The following DRAM1 variants were observed in gnomAD, a reference collection of about 807,000 sequenced individuals.
DRAM1 encodes the protein DNA damage regulated autophagy modulator 1.
A neutral mutation model predicts 28.5 loss-of-function variants in DRAM1; 25 were observed. That is an observed-to-expected ratio of 0.88 (90% CI 0.64 to 1.23). DRAM1 has a LOEUF of 1.23. Among genes scored for constraint, DRAM1 ranks in the 50% most tolerant of loss-of-function variants. The pLI is 0.00. For missense variants in DRAM1, 249 were observed against 299.2 expected (o/e 0.83, Z 1.24); for synonymous variants, 113 against 114.2 (o/e 0.99, Z 0.07).
chr12:101,897,583 C>T (rs757500929), intron 1 of DRAM1, among the ~76,000 whole-genome samples: 2 of 151,538 alleles, frequency 1.3e-5, no homozygotes, highest in African/African-American at 2.4e-5. Context: ...GGAACACATA[C>T]CAAGGTTAGT....
At chr12:101,885,393 C>G (rs1872849136) in intron 1 of DRAM1, among the ~76,000 whole-genome samples, 2 of 152,150 alleles carry the variant, frequency 1.3e-5, no homozygotes, top group African/African-American at 4.8e-5. Flanking sequence ...CTACGAAACC[C>G]TGCCCCAGAA....
At chr12:101,898,725 G>T (rs1301872332) in intron 2 of DRAM1, among the ~76,000 whole-genome samples, 4 of 152,192 alleles carry the variant, frequency 2.6e-5, no homozygotes, top group African/African-American at 9.7e-5. Context: ...CACTCTAGGG[G>T]ACTTGGTTTC....
At position 101,877,756 on chromosome 12, in the gene DRAM1, G is replaced by C; in HGVS notation, c.-34G>C. 1 of 1,432,082 alleles carries C rather than the reference G, an allele frequency of 7.0e-7. No individual in the cohort carries two copies. The allele number at this position is 1,432,082 out of a possible 1,614,324, so 88.7% of individuals were successfully genotyped here. ...AGCAACCCGGCGCCCGGCCCCGCTG[G>C]GCGCAGCACTCCGTCGGCGGCGGCG... On this transcript the variant is annotated 5_prime_UTR_variant, in exon 1 of 7. Coordinates refer to ENST00000258534, the MANE Select transcript of DRAM1 (RefSeq NM_018370.3). This position sits in a 1 kb window ranked among gnomAD's most constrained non-coding sequence, Gnocchi z 4.1.
chr12:101,897,784 A>G, intron 1 of DRAM1, 79 bp from the exon 2 acceptor site: 1 of 997,324 alleles, frequency 1.0e-6, no homozygotes, highest in South Asian at 1.4e-5. Flanking sequence ...CAGAATATAA[A>G]ACTCGCCAAT....
intron 3 of DRAM1, among the ~76,000 whole-genome samples, chr12:101,903,952 CACACACACA>C (rs1873696287): frequency 6.8e-6 from 1 of 147,972 alleles, no homozygotes; most frequent in African/African-American, 2.6e-5. Context: ...CACACACACA[CACACACACA>C]CCCCTATAAG....
At chr12:101,883,912 T>C (rs1409544999) in intron 1 of DRAM1, among the ~76,000 whole-genome samples, 3 of 148,984 alleles carry the variant, frequency 2.0e-5, no homozygotes, top group Non-Finnish European at 3.0e-5. Flanking sequence ...TCCAGCCTGG[T>C]GATAGAGCGA....
intron 3 of DRAM1, among the ~76,000 whole-genome samples, chr12:101,906,854 C>CAAAA (rs751751554): frequency 4.7e-4 from 32 of 67,466 alleles, no homozygotes; most frequent in African/African-American, 1.2e-3. Flanking sequence ...GACTCTGCCT[C>CAAAA]AAAAAAAAAA....
chr12:101,920,706 G>A (rs1463472561), intron 6 of DRAM1, among the ~76,000 whole-genome samples: 2 of 152,178 alleles, frequency 1.3e-5, no homozygotes, highest in African/African-American at 4.8e-5. Flanking sequence ...GAGGTCAGGA[G>A]TTCGAGACCA....
intron 3 of DRAM1, among the ~76,000 whole-genome samples, chr12:101,905,319 T>C (rs996491671): frequency 3.9e-5 from 6 of 152,354 alleles, no homozygotes; most frequent in Admixed American, 1.3e-4. Flanking sequence ...TCTTGATCTG[T>C]TGCTCAGGCT....
intron 5 of DRAM1, 158 bp from the exon 6 acceptor site, chr12:101,919,951 A>C (rs1382467226): frequency 2.3e-6 from 1 of 428,866 alleles, no homozygotes; most frequent in Non-Finnish European, 4.1e-6. Context: ...GTGCCCTGAC[A>C]CTTAGTAACG....
In DRAM1 at chr12:101,901,444, G is replaced by A. The variant is rs1209005234; in HGVS notation, c.342+11G>A. 16 of 1,613,222 alleles carry A rather than the reference G, an allele frequency of 9.9e-6. No homozygotes were observed. Among genetic ancestry groups the A allele is most frequent in the Non-Finnish European group, 1.3e-5 (15 of 1,179,672 alleles). ...GTCGCCAATTTTCAGGTATAATCTG[G>A]AGCTTTTTCAGTTATGAGGAGTGGT... On this transcript the variant is annotated intron_variant, in intron 3 of 6. Coordinates refer to ENST00000258534, the MANE Select transcript of DRAM1 (RefSeq NM_018370.3).
chr12:101,905,761 A>ATTTT (rs1269675607), intron 3 of DRAM1, among the ~76,000 whole-genome samples: 2 of 148,416 alleles, frequency 1.3e-5, no homozygotes, highest in African/African-American at 5.1e-5. Flanking sequence ...ATCTGATTTT[A>ATTTT]TTTATTTATT....
chr12:101,895,186 G>GTTTTTTTTTTT (rs574722379), intron 1 of DRAM1, among the ~76,000 whole-genome samples: 12 of 75,732 alleles, frequency 1.6e-4, no homozygotes, highest in African/African-American at 1.7e-4. Flanking sequence ...AACCCTTCAG[G>GTTTTTTTTTTT]TTTTTTTTTT....
At chr12:101,901,875 A>AAG (rs1873617851) in intron 3 of DRAM1, among the ~76,000 whole-genome samples, 1 of 151,832 alleles carries the variant, frequency 6.6e-6, no homozygotes, top group Admixed American at 6.6e-5. Flanking sequence ...TCTCAAAAAA[A>AAG]AAAAAAAAAA....
chr12:101,907,325 G>A (rs1873858462), intron 3 of DRAM1, among the ~76,000 whole-genome samples: 1 of 151,858 alleles, frequency 6.6e-6, no homozygotes, highest in Non-Finnish European at 1.5e-5. Flanking sequence ...TCAGGGAGCA[G>A]GGAGCCTAAA....
At chr12:101,921,114 T>G in intron 6 of DRAM1, 102 bp from the exon 7 acceptor site, 41 of 861,240 alleles carry the variant, frequency 4.8e-5, no homozygotes, top group Non-Finnish European at 7.8e-5. Context: ...CAAACCATAG[T>G]GAGATCATTC....
chr12:101,913,314 T>C (rs1400928283), intron 4 of DRAM1, among the ~76,000 whole-genome samples: 1 of 152,130 alleles, frequency 6.6e-6, no homozygotes, highest in Non-Finnish European at 1.5e-5. Context: ...CAGAAGTCTG[T>C]TTTTTAAAGA....
At chr12:101,909,329 C>T (rs989794227) in intron 4 of DRAM1, among the ~76,000 whole-genome samples, 2 of 151,756 alleles carry the variant, frequency 1.3e-5, no homozygotes, top group Non-Finnish European at 2.9e-5. Context: ...AGTCTCTTTG[C>T]GGGGAAGAAT....
chr12:101,920,115 GTATAT>G lies in DRAM1; in HGVS notation c.587_591del (p.Val196AlafsTer8). On this transcript the variant is annotated frameshift_variant, in exon 6 of 7. Coordinates refer to ENST00000258534, the MANE Select transcript of DRAM1 (RefSeq NM_018370.3). LOFTEE classifies it high-confidence loss of function. ...TTCTTTATTATTGCATTAGGATTAT[GTATAT>G]CACGTAGTGAGTGCGATCTGTGAAT... 6.2e-7 allele frequency: 1 copy of G among 1,600,444 alleles called. No individual in the cohort carries two copies. Among genetic ancestry groups the G allele is most frequent in the Non-Finnish European group, 8.5e-7 (1 of 1,173,798 alleles).
Sources: allele counts gnomAD v4.1 joint callset (sites outside exome capture counted in the v4.1 genomes callset), GRCh38; gene constraint gnomAD v4.1.1; non-coding constraint Gnocchi (gnomAD v3.1); transcripts MANE v1.5; gene names NCBI Gene and HGNC (gene_info 2026-07-23, HGNC 2026-07-21).